HSCB: variants seen among roughly 807,000 people sequenced by gnomAD.
The protein encoded by HSCB is iron-sulfur cluster co-chaperone protein HscB.
Under a neutral mutation model 31.3 loss-of-function variants are expected in HSCB, and 23 were observed. The ratio of observed to expected loss-of-function variants is 0.74; its 90% confidence interval spans 0.53 to 1.04. HSCB has a LOEUF of 1.04. HSCB is among the 50% of genes least tolerant of loss of function. The pLI is 0.00. For synonymous variants in HSCB, 110 were observed against 104.5 expected, an observed-to-expected ratio of 1.05 and a Z score of -0.32; for missense variants, 297 against 288.1, an observed-to-expected ratio of 1.03 and a Z score of -0.22.
intron 4 of HSCB, among the ~76,000 whole-genome samples, chr22:28,746,643 T>C (rs1307313438): frequency 6.6e-6 from 1 of 151,752 alleles, no homozygotes; most frequent in Non-Finnish European, 1.5e-5. Context: ...CTCACGCCTG[T>C]AATCCCAGCA....
In HSCB at chr22:28,744,701, C is replaced by A; in HGVS notation, c.420C>A (p.Tyr140Ter). The change falls in exon 3 of 6, where the codon TAC becomes TAA. Residue 140 changes from tyrosine to a stop codon, truncating the protein, a stop_gained. Transcript: ENST00000216027. LOFTEE classifies it high-confidence loss of function. ...TLLAPLSRGL[Y>*]LLKLHGIEIP... ...TGGCCCCCCTGAGCAGAGGACTGTA[C>A]CTTGTAAGGTGATTTCCCAACACTT... The A allele has an allele frequency of 6.2e-7, 1 of 1,611,172 alleles. No individual in the cohort carries two copies. The highest frequency in any genetic ancestry group is 8.5e-7 in the Non-Finnish European group (1 of 1,177,334).
intron 4 of HSCB, among the ~76,000 whole-genome samples, chr22:28,750,856 G>C (rs1364889425): frequency 2.0e-5 from 3 of 150,756 alleles, no homozygotes; most frequent in Non-Finnish European, 4.4e-5. Flanking sequence ...ATGCTTTACT[G>C]ATAGGTGTTC....
chr22:28,754,036 G>C (rs1255021419), intron 5 of HSCB, among the ~76,000 whole-genome samples: 1 of 152,038 alleles, frequency 6.6e-6, no homozygotes, highest in Non-Finnish European at 1.5e-5. Flanking sequence ...AGGAGGCTGA[G>C]GCAGGAGTAT....
At chr22:28,742,478 T>G in intron 1 of HSCB, 147 bp downstream of exon 1, 1 of 1,346,028 alleles carries the variant, frequency 7.4e-7, no homozygotes. Context: ...GAGAGAAGTG[T>G]CTTGATTTCT....
chr22:28,744,005 C>G (rs1257609030), intron 2 of HSCB, 27 bp downstream of exon 2: 13 of 1,500,500 alleles, frequency 8.7e-6, no homozygotes, highest in Non-Finnish European at 1.2e-5. Context: ...CCCCAATAAT[C>G]CCCAAATATG....
Position 28,742,689 on chromosome 22 carries a change from G to C in HSCB, c.236+358G>C, listed in dbSNP as rs867295882. ...CGGAACTTGAGGAAAGGGTACTTGA[G>C]GGGCAGGGCCTGGGAGACTGGAAGA... On this transcript the variant is annotated intron_variant, in intron 1 of 5. Coordinates refer to ENST00000216027, the MANE Select transcript of HSCB (RefSeq NM_172002.5). The C allele has an allele frequency of 1.2e-4, 40 of 344,848 alleles. No individual in the cohort carries two copies. The South Asian group carries it at 1.5e-3, about 13-fold the overall frequency. 21.4% of individuals were successfully genotyped at this position (344,848 alleles called of 1,614,324 possible).
At chr22:28,756,467 C>CTTT (rs11392708) in intron 5 of HSCB, among the ~76,000 whole-genome samples, 45 of 133,542 alleles carry the variant, frequency 3.4e-4, no homozygotes, top group African/African-American at 1.2e-3. Flanking sequence ...ACCACCCACC[C>CTTT]TTTTTTTTTT....
Position 28,751,259 on chromosome 22 carries a change from C to A in HSCB, c.587C>A (p.Thr196Asn). The A allele has an allele frequency of 6.2e-7, 1 of 1,600,206 alleles. No homozygotes were observed. Among genetic ancestry groups the A allele is most frequent in the Non-Finnish European group, 8.5e-7 (1 of 1,171,036 alleles). The part of the protein sequence containing the change: ...SIVKAKQKEF[T>N]DNVSSAFEQD... ...TTTTCAGCTAAACAGAAAGAATTTACTGACAATGTGAGCAGTGCTTTTGAA... is the reference window on the plus strand; with the variant it reads ...TTTTCAGCTAAACAGAAAGAATTTAATGACAATGTGAGCAGTGCTTTTGAA... The change falls in exon 5 of 6, where the codon ACT (threonine) becomes AAT (asparagine). Residue 196 changes from threonine (T) to asparagine (N), a missense_variant. Thr to Asn is a moderately conservative substitution (Grantham distance 65). Transcript: ENST00000216027.
Position 28,750,247 on chromosome 22 carries a change from C to CAAAA in HSCB, c.569-968_569-965dup, listed in dbSNP as rs563701958. ...CTGGGCAACAAGAGCGAAACTGTCT[C>CAAAA]AAAAAAAAAAAAAAAAAAAAAAAAA... On this transcript the variant is annotated intron_variant, in intron 4 of 5. Transcript: ENST00000216027. Among the ~76,000 whole-genome samples, 35 of 64,712 alleles carry CAAAA rather than the reference C, an allele frequency of 5.4e-4. 1 individual carries two copies. The highest frequency in any genetic ancestry group is 6.8e-4 in the Non-Finnish European group (22 of 32,164). 42.5% of individuals were successfully genotyped at this position (64,712 alleles called of 152,430 possible). A position where few individuals can be genotyped will look rare whatever the true frequency, so the allele number is the denominator to read the frequency against.
At chr22:28,752,535 A>C (rs867237018) in intron 5 of HSCB, among the ~76,000 whole-genome samples, 2 of 150,730 alleles carry the variant, frequency 1.3e-5, no homozygotes, top group Non-Finnish European at 1.5e-5. Context: ...GAGATTGAGA[A>C]TATCCTGGCT....
chr22:28,752,529 T>C (rs1390002045), intron 5 of HSCB, among the ~76,000 whole-genome samples: 1 of 150,164 alleles, frequency 6.7e-6, no homozygotes, highest in East Asian at 2.0e-4. Context: ...GGTCAGGAGA[T>C]TGAGAATATC....
In HSCB at chr22:28,744,662, C is replaced by T; in HGVS notation, c.381C>T (p.Ala127=). The part of the protein sequence containing the change: ...SEKHSTLVND[A]YKTLLAPLSR... ...AGCATTCGACCCTGGTGAATGATGC[C>T]TATAAGACCCTCCTGGCCCCCCTGA... is the stretch of plus-strand genomic sequence containing the variant. The change falls in exon 3 of 6, where the codon GCC becomes GCT. Residue 127 remains alanine, a synonymous_variant. Coordinates refer to ENST00000216027, the MANE Select transcript of HSCB (RefSeq NM_172002.5). The T allele has an allele frequency of 6.2e-7, 1 of 1,614,020 alleles. No individual in the cohort carries two copies. The highest frequency in any genetic ancestry group is 8.5e-7 in the Non-Finnish European group (1 of 1,179,882).
intron 4 of HSCB, among the ~76,000 whole-genome samples, chr22:28,748,542 T>C (rs982279952): frequency 6.6e-6 from 1 of 151,970 alleles, no homozygotes; most frequent in Non-Finnish European, 1.5e-5. Context: ...AGACAGAGTC[T>C]TGCTCTGTTG....
intron 4 of HSCB, 61 bp from the exon 5 acceptor site, chr22:28,751,180 T>C (rs1224791396): frequency 4.0e-6 from 4 of 998,110 alleles, no homozygotes; most frequent in African/African-American, 1.6e-5. Flanking sequence ...AGTTTAAGTA[T>C]TGTCTTCATA....
At chr22:28,748,416 A>G (rs78688864) in intron 4 of HSCB, among the ~76,000 whole-genome samples, 3,060 of 152,238 alleles carry the variant, frequency 0.02, 104 homozygotes, top group African/African-American at 0.07. Flanking sequence ...GGACAACTGC[A>G]GTAGCTTTTC....
At chr22:28,749,401 C>T (rs1164919551) in intron 4 of HSCB, among the ~76,000 whole-genome samples, 3 of 152,150 alleles carry the variant, frequency 2.0e-5, no homozygotes, top group Non-Finnish European at 2.9e-5. Context: ...ATCATCACTT[C>T]CTCAGAGAAG....
chr22:28,747,730 A>C (rs1024986532), intron 4 of HSCB, among the ~76,000 whole-genome samples: 1 of 152,210 alleles, frequency 6.6e-6, no homozygotes, highest in Non-Finnish European at 1.5e-5. Context: ...TACTTTCACA[A>C]ATATTTGTAG....
chr22:28,751,488 G>A (rs953379713), intron 5 of HSCB, among the ~76,000 whole-genome samples, 200 bp downstream of exon 5: 5 of 152,188 alleles, frequency 3.3e-5, no homozygotes, highest in East Asian at 1.9e-4. Flanking sequence ...GGTGGCTAAT[G>A]CCTGTAATCC....
Position 28,751,223 on chromosome 22 carries a change from A to C in HSCB, c.569-18A>C. 2 of 1,542,710 alleles carry C rather than the reference A, an allele frequency of 1.3e-6. No homozygotes were observed. The highest frequency in any genetic ancestry group is 1.8e-6 in the Non-Finnish European group (2 of 1,121,346). ...TCTATTTCAATGGAAAAATTAACAG[A>C]ATGGTTTTCTTTTTCAGCTAAACAG... On this transcript the variant is annotated intron_variant, in intron 4 of 5. Coordinates refer to ENST00000216027, the MANE Select transcript of HSCB (RefSeq NM_172002.5).
Sources: allele counts gnomAD v4.1 joint callset (sites outside exome capture counted in the v4.1 genomes callset), GRCh38; gene constraint gnomAD v4.1.1; transcripts MANE v1.5; gene names NCBI Gene and HGNC (gene_info 2026-07-23, HGNC 2026-07-21).